Variants in F13A1 observed in about 807,000 individuals in gnomAD.
F13A1 encodes FSF, A subunit.
In F13A1, 47 loss-of-function variants were observed where a neutral mutation model predicts 80.1. The ratio of observed to expected loss-of-function variants is 0.59; its 90% CI spans 0.46 to 0.75. The LOEUF (loss-of-function observed/expected upper bound fraction) is 0.75, where lower values mean the gene tolerates loss of function less well. Ranked by LOEUF, F13A1 falls within the 30% of genes least tolerant of loss-of-function variation. F13A1 has a pLI of 0.00. For synonymous variants in F13A1, 349 were observed against 344.9 expected, an observed-to-expected ratio of 1.01 and a Z score of -0.13; for missense variants, 817 against 930.4, an observed-to-expected ratio of 0.88 and a Z score of 1.59.
chr6:6,201,316 T>C (rs1761390524), intron 8 of F13A1, among the ~76,000 whole-genome samples: 1 of 152,248 alleles, frequency 6.6e-6, no homozygotes, highest in South Asian at 2.1e-4. Context: ...TCTTCTAGTT[T>C]CACTCATGGC....
intron 13 of F13A1, among the ~76,000 whole-genome samples, chr6:6,155,752 A>G (rs2151069536): frequency 6.6e-6 from 1 of 152,282 alleles, no homozygotes; most frequent in African/African-American, 2.4e-5. Flanking sequence ...TTATGTGTTG[A>G]TTTCAGTGAT....
intron 11 of F13A1, among the ~76,000 whole-genome samples, chr6:6,181,770 C>T (rs3024440): frequency 2.6e-5 from 4 of 152,276 alleles, no homozygotes; most frequent in African/African-American, 4.8e-5. Context: ...TTACAAGCCA[C>T]GTGAATGAGA....
intron 3 of F13A1, among the ~76,000 whole-genome samples, chr6:6,281,137 C>T (rs115879427): frequency 1.1e-3 from 175 of 152,334 alleles, no homozygotes; most frequent in African/African-American, 4.1e-3. Context: ...CTAATAAATT[C>T]ATTTTGCTAA....
chr6:6,282,627 G>A (rs919773930), intron 3 of F13A1, among the ~76,000 whole-genome samples: 2 of 152,170 alleles, frequency 1.3e-5, no homozygotes, highest in Non-Finnish European at 2.9e-5. Context: ...GGAAATGACC[G>A]ACAGGCTTAT....
At chr6:6,242,994 G>T (rs1004319465) in intron 6 of F13A1, among the ~76,000 whole-genome samples, 2 of 152,146 alleles carry the variant, frequency 1.3e-5, no homozygotes, top group Non-Finnish European at 2.9e-5. Context: ...TGTAAGCTTT[G>T]TGAAGGCAGA....
intron 3 of F13A1, among the ~76,000 whole-genome samples, chr6:6,279,577 T>G (rs964422684): frequency 6.6e-6 from 1 of 152,198 alleles, no homozygotes; most frequent in Non-Finnish European, 1.5e-5. Context: ...ACTGACCAGA[T>G]GCACTGCATT....
At position 6,243,112 on chromosome 6, in the gene F13A1, A is replaced by G. The variant is rs1757504736; in HGVS notation, c.798+5200T>C. On this transcript the variant is annotated intron_variant, in intron 6 of 14. Coordinates refer to ENST00000264870, the MANE Select transcript of F13A1 (RefSeq NM_000129.4). The surrounding 1 kb of genome is among the most constrained non-coding windows in gnomAD (Gnocchi z 4.2). ...TGAGTGTTTTACCACCATCACCACC[A>G]CCACTACCACTATCACCACCATCAT... Among the ~76,000 whole-genome samples the G allele has an allele frequency of 6.6e-6, 1 of 151,942 alleles. No homozygotes were observed. Among genetic ancestry groups the G allele is most frequent in the African/African-American group, 2.4e-5 (1 of 41,352 alleles).
intron 14 of F13A1, among the ~76,000 whole-genome samples, chr6:6,148,664 G>C (rs762594491): frequency 1.3e-5 from 2 of 152,168 alleles, no homozygotes; most frequent in Non-Finnish European, 1.5e-5. Flanking sequence ...ACTGGCTCAG[G>C]TCTTGGTTGT....
intron 3 of F13A1, among the ~76,000 whole-genome samples, chr6:6,269,001 T>G (rs908339576): frequency 1.3e-5 from 2 of 152,142 alleles, no homozygotes; most frequent in African/African-American, 2.4e-5. Flanking sequence ...AATTGTTTTT[T>G]TTTTTTAAGT....
At chr6:6,159,492 A>G (rs1179954385) in intron 13 of F13A1, among the ~76,000 whole-genome samples, 3 of 152,174 alleles carry the variant, frequency 2.0e-5, no homozygotes, top group Non-Finnish European at 4.4e-5. Context: ...GCCAGGATGC[A>G]ACTGTGCAAA....
At chr6:6,185,432 T>A (rs1761062896) in intron 10 of F13A1, among the ~76,000 whole-genome samples, 2 of 147,148 alleles carry the variant, frequency 1.4e-5, no homozygotes, top group African/African-American at 4.9e-5. Flanking sequence ...TGATGTGATC[T>A]CATTGTTCAA....
At chr6:6,166,439 A>T (rs1465773376) in intron 13 of F13A1, among the ~76,000 whole-genome samples, 1 of 152,234 alleles carries the variant, frequency 6.6e-6, no homozygotes, top group African/African-American at 2.4e-5. Flanking sequence ...GATCAACTTT[A>T]TAAAGCTTTG....
At chr6:6,254,613 A>G (rs1158567605) in intron 4 of F13A1, among the ~76,000 whole-genome samples, 1 of 152,192 alleles carries the variant, frequency 6.6e-6, no homozygotes, top group Admixed American at 6.5e-5. Flanking sequence ...AAGTATCTGT[A>G]ATGATATACA....
intron 12 of F13A1, among the ~76,000 whole-genome samples, chr6:6,171,434 A>G (rs2151073968): frequency 6.6e-6 from 1 of 152,292 alleles, no homozygotes; most frequent in East Asian, 1.9e-4. Flanking sequence ...GGCTTCCTCC[A>G]TACCTTCCTT....
intron 8 of F13A1, 120 bp from the exon 9 acceptor site, chr6:6,197,446 A>G (rs1761311452): frequency 1.1e-6 from 1 of 887,020 alleles, no homozygotes; most frequent in Non-Finnish European, 1.8e-6. Context: ...TTGGGAGGCC[A>G]AGGCAGGTGA....
chr6:6,298,123 T>C (rs1056208559), intron 3 of F13A1, among the ~76,000 whole-genome samples: 17 of 148,794 alleles, frequency 1.1e-4, no homozygotes, highest in Non-Finnish European at 1.9e-4. Flanking sequence ...TAGTTTGTTA[T>C]AATTTCTGTT....
rs1486384809 is a variant in F13A1 at position 6,144,996 on chromosome 6, A to G, written c.*623T>C. The G allele has an allele frequency of 6.3e-6, 1 of 157,646 alleles. No homozygotes were observed. The highest frequency in any genetic ancestry group is 2.4e-5 in the African/African-American group (1 of 41,468). 9.8% of individuals were successfully genotyped at this position (157,646 alleles called of 1,614,324 possible). A position where few individuals can be genotyped will look rare whatever the true frequency, so the allele number is the denominator to read the frequency against. ...CCTTGTAGGTGGTTAAGTTTCCCAC[A>G]AATGCAATTTGTTAATATGGGGCCA... On this transcript the variant is annotated 3_prime_UTR_variant, in exon 15 of 15. Transcript: ENST00000264870.
At chr6:6,229,224 A>G (rs1431098935) in intron 6 of F13A1, among the ~76,000 whole-genome samples, 1 of 152,006 alleles carries the variant, frequency 6.6e-6, no homozygotes, top group Non-Finnish European at 1.5e-5. Context: ...AGAGACAGAA[A>G]GAGAGAGAGG....
rs1412017555 is a variant in F13A1 at position 6,162,448 on chromosome 6, A to G, written c.1908+5010T>C. 6.6e-6 allele frequency among the ~76,000 whole-genome samples: 1 copy of G among 151,984 alleles called. No homozygotes were observed. Among genetic ancestry groups the G allele is most frequent in the Non-Finnish European group, 1.5e-5 (1 of 67,984 alleles). ...GTCTTAATTCTTGATGTCCCACACC[A>G]CTCAAGTGTGTGTGATCTCTCCTCC... On this transcript the variant is annotated intron_variant, in intron 13 of 14. Coordinates refer to ENST00000264870, the MANE Select transcript of F13A1 (RefSeq NM_000129.4). The surrounding 1 kb of genome is among the most constrained non-coding windows in gnomAD (Gnocchi z 4.2).
Sources: gnomAD v4.1 joint callset for allele counts (sites outside exome capture counted in the v4.1 genomes callset) on GRCh38, gnomAD v4.1.1 for gene constraint, Gnocchi (gnomAD v3.1) non-coding constraint, MANE v1.5 for transcripts, NCBI Gene and HGNC (gene_info 2026-07-23, HGNC 2026-07-21) for gene names.